Variants in HSPA12A observed in about 807,000 individuals in gnomAD.
The protein encoded by HSPA12A is heat shock protein family A (Hsp70) member 12A.
In HSPA12A, 28 loss-of-function variants were observed where a neutral mutation model predicts 69.2. The ratio of observed to expected loss-of-function variants is 0.40; its 90% CI spans 0.30 to 0.55. The LOEUF (loss-of-function observed/expected upper bound fraction) is 0.55. HSPA12A is among the 20% of genes least tolerant of loss of function. HSPA12A has a pLI of 0.38. For missense variants in HSPA12A, 686 were observed against 900.7 expected, an observed-to-expected ratio of 0.76 and a Z score of 3.05; for synonymous variants, 345 against 370.5, an observed-to-expected ratio of 0.93 and a Z score of 0.79.
intron 2 of HSPA12A, among the ~76,000 whole-genome samples, chr10:116,806,814 C>A (rs1215488953): frequency 6.6e-6 from 1 of 152,194 alleles, no homozygotes; most frequent in Non-Finnish European, 1.5e-5. Flanking sequence ...CGTGGCCCCC[C>A]AAAAGATATA....
chr10:116,734,940 C>T (rs568252473), intron 1 of HSPA12A, among the ~76,000 whole-genome samples: 2 of 152,040 alleles, frequency 1.3e-5, no homozygotes, highest in South Asian at 4.2e-4. Context: ...TGCAGTGAGC[C>T]GAGATCGAGC....
At chr10:116,779,974 C>G (rs1844428115) in intron 2 of HSPA12A, among the ~76,000 whole-genome samples, 1 of 152,154 alleles carries the variant, frequency 6.6e-6, no homozygotes. Context: ...GAGCTTCGAC[C>G]TACCTAGAGG....
chr10:116,816,032 C>A (rs556801874), intron 2 of HSPA12A, among the ~76,000 whole-genome samples: 1 of 152,134 alleles, frequency 6.6e-6, no homozygotes, highest in African/African-American at 2.4e-5. Flanking sequence ...TCAAAGCCCA[C>A]GCATCCTCTC....
chr10:116,741,971 C>T (rs988214523), intron 1 of HSPA12A, among the ~76,000 whole-genome samples: 10 of 152,162 alleles, frequency 6.6e-5, no homozygotes, highest in Admixed American at 5.9e-4. Context: ...TTCCCCCAGG[C>T]TCCCACTCCT....
intron 6 of HSPA12A, among the ~76,000 whole-genome samples, chr10:116,684,253 A>G (rs141056488): frequency 6.6e-5 from 10 of 152,170 alleles, no homozygotes; most frequent in Non-Finnish European, 1.5e-4. Flanking sequence ...CTTGGCTCAG[A>G]GCTGAGCAGC....
At chr10:116,849,751 G>GCTCTCCTCCCGCCAACCC (rs1564841069), upstream of HSPA12A, 9 of 1,487,954 alleles carry the variant, frequency 6.0e-6, no homozygotes, top group Non-Finnish European at 6.3e-6. Flanking sequence ...TGGGACAAGC[G>GCTCTCCTCCCGCCAACCC]CTCTCCTCCC....
At chr10:116,722,683 T>C (rs1302356634) in intron 1 of HSPA12A, among the ~76,000 whole-genome samples, 1 of 152,190 alleles carries the variant, frequency 6.6e-6, no homozygotes, top group Non-Finnish European at 1.5e-5. Flanking sequence ...TGGACATGCA[T>C]CACATGGGTA....
Position 116,675,472 on chromosome 10 carries a change from G to A in HSPA12A, c.1391-54C>T. The A allele has an allele frequency of 6.7e-7, 1 of 1,492,124 alleles. No individual in the cohort carries two copies. The allele number at this position is 1,492,124 out of a possible 1,614,324, so 92.4% of individuals were successfully genotyped here. On this transcript the variant is annotated intron_variant, in intron 11 of 11. Transcript: ENST00000369209. This position sits in a 1 kb window ranked among gnomAD's most constrained non-coding sequence, Gnocchi z 5.2. ...CTGTCACCAAAAGCCAGCAAGGAAG[G>A]GGGAACTGGGCTGCCTGCATCTGTG...
At chr10:116,725,205 T>G (rs1554884834) in intron 1 of HSPA12A, among the ~76,000 whole-genome samples, 1 of 152,198 alleles carries the variant, frequency 6.6e-6, no homozygotes, top group East Asian at 1.9e-4. Context: ...CTCCACTTGA[T>G]GGGAATTGCT....
chr10:116,844,186 T>C (rs1589737312), intron 1 of HSPA12A, among the ~76,000 whole-genome samples: 1 of 152,230 alleles, frequency 6.6e-6, no homozygotes, highest in African/African-American at 2.4e-5. Flanking sequence ...CCCTATTTAT[T>C]AACTGTGTGA....
At chr10:116,732,414 G>C (rs1306618997) in intron 1 of HSPA12A, among the ~76,000 whole-genome samples, 1 of 151,864 alleles carries the variant, frequency 6.6e-6, no homozygotes, top group Non-Finnish European at 1.5e-5. Flanking sequence ...CTAGCAGCAG[G>C]TTTAAGTTCC....
At chr10:116,733,718 A>C (rs528717496) in intron 1 of HSPA12A, among the ~76,000 whole-genome samples, 19 of 152,316 alleles carry the variant, frequency 1.2e-4, no homozygotes, top group African/African-American at 4.1e-4. Context: ...CTGAATAGGA[A>C]GTGACTGTAG....
At chr10:116,722,779 AAC>A (rs1850820100) in intron 1 of HSPA12A, among the ~76,000 whole-genome samples, 1 of 152,208 alleles carries the variant, frequency 6.6e-6, no homozygotes, top group Non-Finnish European at 1.5e-5. Context: ...GAATATTAAA[AAC>A]ACTGTAATTA....
intron 1 of HSPA12A, among the ~76,000 whole-genome samples, chr10:116,836,307 C>CA (rs1845709614): frequency 6.6e-6 from 1 of 152,168 alleles, no homozygotes; most frequent in Non-Finnish European, 1.5e-5. Context: ...TTAGACCTGT[C>CA]AACAGCTACA....
chr10:116,712,991 TATATATATATATATATATA>T (rs1554883331), intron 1 of HSPA12A, among the ~76,000 whole-genome samples: 4 of 125,394 alleles, frequency 3.2e-5, no homozygotes, highest in Non-Finnish European at 6.5e-5. Context: ...TATATATATA[TATATATATATATATATATA>T]TTTGCATTTC....
upstream of HSPA12A, among the ~76,000 whole-genome samples, chr10:116,747,268 T>C (rs1851669298): frequency 6.6e-6 from 1 of 152,224 alleles, no homozygotes; most frequent in African/African-American, 2.4e-5. Context: ...TTGCTCCAAA[T>C]ATCACCATCA....
At chr10:116,694,584 T>C (rs1264038321) in intron 5 of HSPA12A, among the ~76,000 whole-genome samples, 3 of 152,090 alleles carry the variant, frequency 2.0e-5, no homozygotes, top group African/African-American at 7.2e-5. Context: ...TCCTTTCCTG[T>C]TGGCAAATTT....
chr10:116,738,372 C>A (rs893285258), intron 1 of HSPA12A, among the ~76,000 whole-genome samples: 5 of 152,070 alleles, frequency 3.3e-5, no homozygotes, highest in Non-Finnish European at 7.4e-5. Context: ...TACTAGTGTC[C>A]TTAGTAAAAA....
At chr10:116,803,227 T>C (rs999104772) in intron 2 of HSPA12A, among the ~76,000 whole-genome samples, 1 of 152,090 alleles carries the variant, frequency 6.6e-6, no homozygotes, top group African/African-American at 2.4e-5. Flanking sequence ...GACGAGAGGG[T>C]GTGCGGAGAG....
Sources: allele counts gnomAD v4.1 joint callset (sites outside exome capture counted in the v4.1 genomes callset), GRCh38; gene constraint gnomAD v4.1.1; non-coding constraint Gnocchi (gnomAD v3.1); transcripts MANE v1.5; gene names NCBI Gene and HGNC (gene_info 2026-07-23, HGNC 2026-07-21).